Variants in HTR1F observed in about 807,000 individuals in gnomAD.
The protein encoded by HTR1F is 5-hydroxytryptamine receptor 1F.
Under a neutral mutation model 24.0 loss-of-function variants are expected in HTR1F, and 17 were observed. That is an observed-to-expected ratio of 0.71 (90% CI 0.48 to 1.06). HTR1F has a LOEUF of 1.06. Ranked by LOEUF, HTR1F falls within the 50% of genes least tolerant of loss-of-function variation. The pLI is 0.00. For synonymous variants in HTR1F, 186 were observed against 156.8 expected (o/e 1.19, Z -1.39); for missense variants, 391 against 427.8 (o/e 0.91, Z 0.76).
chr3:87,972,712 G>A (rs1479380534), intron 2 of HTR1F, among the ~76,000 whole-genome samples: 2 of 152,134 alleles, frequency 1.3e-5, no homozygotes, highest in African/African-American at 4.8e-5. Flanking sequence ...TCGAGTAACA[G>A]AGGAATCAAA....
At chr3:87,898,553 C>T (rs1706251912) in intron 2 of HTR1F, among the ~76,000 whole-genome samples, 1 of 152,006 alleles carries the variant, frequency 6.6e-6, no homozygotes, top group South Asian at 2.1e-4. Context: ...TTCAATTCTT[C>T]TCTAACATTG....
At chr3:87,912,909 C>T (rs1253106177) in intron 2 of HTR1F, among the ~76,000 whole-genome samples, 1 of 152,038 alleles carries the variant, frequency 6.6e-6, no homozygotes, top group Non-Finnish European at 1.5e-5. Context: ...AAATTGGACC[C>T]CTTCCTTATG....
At chr3:87,927,548 A>T (rs1704157056) in intron 2 of HTR1F, among the ~76,000 whole-genome samples, 1 of 152,150 alleles carries the variant, frequency 6.6e-6, no homozygotes, top group South Asian at 2.1e-4. Context: ...TAAATGGTAT[A>T]TTATATTTAG....
intron 2 of HTR1F, among the ~76,000 whole-genome samples, chr3:87,868,869 C>A (rs1382318229): frequency 6.6e-6 from 1 of 151,902 alleles, no homozygotes; most frequent in Non-Finnish European, 1.5e-5. Flanking sequence ...AGTCAATTAT[C>A]TGAACATTAT....
intron 2 of HTR1F, among the ~76,000 whole-genome samples, chr3:87,845,386 C>G (rs1347879314): frequency 2.7e-5 from 4 of 150,620 alleles, no homozygotes; most frequent in African/African-American, 7.4e-5. Context: ...TCAGCAAAGT[C>G]TCAGGATACA....
chr3:87,861,813 C>T (rs1705324674), intron 2 of HTR1F, among the ~76,000 whole-genome samples: 1 of 151,882 alleles, frequency 6.6e-6, no homozygotes, highest in African/African-American at 2.4e-5. Flanking sequence ...AGGTATAATT[C>T]TTTGAAATAT....
At chr3:87,915,649 A>G (rs1333594623) in intron 2 of HTR1F, among the ~76,000 whole-genome samples, 1 of 152,138 alleles carries the variant, frequency 6.6e-6, no homozygotes, top group Non-Finnish European at 1.5e-5. Context: ...CCAATCCAAC[A>G]AAGACAAAGA....
At position 87,834,076 on chromosome 3, in the gene HTR1F, G is replaced by A. The variant is rs1704635828; in HGVS notation, c.-43+11952G>A. Among the ~76,000 whole-genome samples, 8 of 152,052 alleles carry A rather than the reference G, an allele frequency of 5.3e-5. 1 individual carries two copies. The South Asian group carries it at 1.7e-3, about 32-fold the overall frequency. On this transcript the variant is annotated intron_variant, in intron 2 of 2. Coordinates refer to ENST00000319595, the MANE Select transcript of HTR1F (RefSeq NM_001322209.2). ...AATAGGGTGAGTATTCCTAACTGTT[G>A]CAAACTATCTGATAGTACTGTTTGT...
intron 2 of HTR1F, among the ~76,000 whole-genome samples, chr3:87,873,843 G>A (rs933587204): frequency 1.3e-5 from 2 of 152,098 alleles, no homozygotes; most frequent in African/African-American, 4.8e-5. Flanking sequence ...ATCAGTCAAT[G>A]TGATCTACCA....
chr3:87,829,047 AAAAAAAAAAAGTT>A (rs1426440652), intron 2 of HTR1F, among the ~76,000 whole-genome samples: 2 of 149,980 alleles, frequency 1.3e-5, no homozygotes, highest in Non-Finnish European at 1.5e-5. Context: ...AGCATACCAA[AAAAAAAAAAAGTT>A]AAAAAAAAAA....
intron 2 of HTR1F, among the ~76,000 whole-genome samples, chr3:87,969,035 AGT>A (rs138475307): frequency 0.016 from 2,474 of 152,350 alleles, 78 homozygotes; most frequent in African/African-American, 0.055. Flanking sequence ...AGTGCACAGC[AGT>A]CAAAAATTGA....
chr3:87,883,232 G>A (rs188072275), intron 2 of HTR1F, among the ~76,000 whole-genome samples: 1 of 152,200 alleles, frequency 6.6e-6, no homozygotes, highest in Non-Finnish European at 1.5e-5. Flanking sequence ...TGAGCGACCT[G>A]ACTGTTGAAA....
At chr3:87,838,882 T>G (rs1704737933) in intron 2 of HTR1F, among the ~76,000 whole-genome samples, 1 of 152,000 alleles carries the variant, frequency 6.6e-6, no homozygotes, top group Non-Finnish European at 1.5e-5. Context: ...TTCCTTGTTG[T>G]TGAGTAGTTT....
intron 1 of HTR1F, among the ~76,000 whole-genome samples, chr3:87,794,828 A>G (rs1478078390): frequency 5.3e-5 from 8 of 152,216 alleles, no homozygotes. Flanking sequence ...TTAAAAATGA[A>G]TATATTAACT....
intron 1 of HTR1F, among the ~76,000 whole-genome samples, chr3:87,795,158 G>C (rs747431191): frequency 1.4e-4 from 21 of 151,932 alleles, no homozygotes; most frequent in Non-Finnish European, 2.9e-4. Context: ...CAGCTAATTT[G>C]TATTTTTAGT....
intron 2 of HTR1F, among the ~76,000 whole-genome samples, chr3:87,911,104 G>T (rs546864300): frequency 3.3e-5 from 5 of 151,326 alleles, no homozygotes; most frequent in Admixed American, 2.6e-4. Flanking sequence ...GCGGAAGACA[G>T]GAAAAAAACA....
At chr3:87,808,693 T>C (rs561965699) in intron 1 of HTR1F, among the ~76,000 whole-genome samples, 1 of 152,088 alleles carries the variant, frequency 6.6e-6, no homozygotes, top group South Asian at 2.1e-4. Context: ...TTCTTCAAAG[T>C]GCATTTTTAA....
At chr3:87,851,591 A>G (rs764465307) in intron 2 of HTR1F, among the ~76,000 whole-genome samples, 18 of 151,676 alleles carry the variant, frequency 1.2e-4, no homozygotes, top group African/African-American at 3.4e-4. Context: ...TGCTAACTCA[A>G]TCTTTTTAAT....
chr3:87,918,134 T>A (rs1703936156), intron 2 of HTR1F, among the ~76,000 whole-genome samples: 2 of 152,064 alleles, frequency 1.3e-5, no homozygotes, highest in African/African-American at 4.8e-5. Context: ...ATTATCTCCA[T>A]AAATGCAGAA....
Sources: allele counts gnomAD v4.1 joint callset (sites outside exome capture counted in the v4.1 genomes callset), GRCh38; gene constraint gnomAD v4.1.1; transcripts MANE v1.5; gene names NCBI Gene and HGNC (gene_info 2026-07-23, HGNC 2026-07-21).